LRFN2: variants seen among roughly 807,000 people sequenced by gnomAD.
The protein encoded by LRFN2 is leucine rich repeat and fibronectin type III domain containing 2, also known as leucine-rich repeat and fibronectin type-III domain-containing protein 2.
LRFN2 carries 18 observed loss-of-function variants against 37.3 expected under a neutral mutation model. The ratio of observed to expected loss-of-function variants is 0.48; its 90% CI spans 0.33 to 0.72. The LOEUF (loss-of-function observed/expected upper bound fraction) is 0.72, where lower values mean the gene tolerates loss of function less well. Among genes scored for constraint, LRFN2 ranks in the 30% least tolerant of loss-of-function variants. The pLI is 0.02. For missense variants in LRFN2, 1,006 were observed against 1,060.7 expected, an observed-to-expected ratio of 0.95 and a Z score of 0.72; for synonymous variants, 556 against 466.6, an observed-to-expected ratio of 1.19 and a Z score of -2.47.
chr6:40,394,927 G>A (rs1762582179), intron 2 of LRFN2, among the ~76,000 whole-genome samples: 1 of 150,330 alleles, frequency 6.7e-6, no homozygotes, highest in Non-Finnish European at 1.5e-5. Flanking sequence ...ATGTGGAACT[G>A]TGAGTCCATT....
chr6:40,555,269 G>A (rs1228406289), intron 1 of LRFN2, among the ~76,000 whole-genome samples: 1 of 152,218 alleles, frequency 6.6e-6, no homozygotes, highest in Non-Finnish European at 1.5e-5. Context: ...CATCCCTGGT[G>A]AGAGGTGAAG....
intron 1 of LRFN2, among the ~76,000 whole-genome samples, chr6:40,585,359 T>A (rs1767481776): frequency 6.6e-6 from 1 of 152,036 alleles, no homozygotes; most frequent in Non-Finnish European, 1.5e-5. Flanking sequence ...AAGGGAAAGA[T>A]GACATTCCAG....
intron 1 of LRFN2, among the ~76,000 whole-genome samples, chr6:40,455,717 A>G (rs1342823025): frequency 6.6e-5 from 10 of 152,176 alleles, no homozygotes; most frequent in Non-Finnish European, 1.0e-4. Context: ...AGCACAAGAT[A>G]TCAGAAGGGG....
At chr6:40,568,734 T>TCCTTCCTTCCTTCC (rs1410659844) in intron 1 of LRFN2, among the ~76,000 whole-genome samples, 6 of 148,156 alleles carry the variant, frequency 4.0e-5, no homozygotes, top group African/African-American at 1.2e-4. Flanking sequence ...CTTCCTTCCT[T>TCCTTCCTTCCTTCC]TTTTGAGACG....
intron 1 of LRFN2, among the ~76,000 whole-genome samples, chr6:40,491,442 T>A (rs1765094898): frequency 6.6e-6 from 1 of 152,218 alleles, no homozygotes; most frequent in African/African-American, 2.4e-5. Flanking sequence ...GCATCCCGGC[T>A]CTGGCCCCAC....
chr6:40,446,224 G>A (rs2113838155), intron 1 of LRFN2, among the ~76,000 whole-genome samples: 1 of 152,336 alleles, frequency 6.6e-6, no homozygotes, highest in African/African-American at 2.4e-5. Flanking sequence ...TGAATCCAAG[G>A]CTGGGGTGTA....
intron 1 of LRFN2, among the ~76,000 whole-genome samples, chr6:40,476,216 G>T (rs551265512): frequency 6.6e-6 from 1 of 152,268 alleles, no homozygotes; most frequent in African/African-American, 2.4e-5. Context: ...AAGTATGAAG[G>T]CCTTTTCCCC....
chr6:40,489,839 C>T (rs1765045443), intron 1 of LRFN2, among the ~76,000 whole-genome samples: 1 of 152,184 alleles, frequency 6.6e-6, no homozygotes. Flanking sequence ...TCCATCTACT[C>T]ATTCCCTCCT....
At chr6:40,511,319 T>C (rs774025540) in intron 1 of LRFN2, among the ~76,000 whole-genome samples, 13 of 152,176 alleles carry the variant, frequency 8.5e-5, no homozygotes, top group Non-Finnish European at 1.0e-4. Flanking sequence ...GATTAGAAGA[T>C]GGATGGTAAT....
At chr6:40,453,667 G>A (rs1379548915) in intron 1 of LRFN2, among the ~76,000 whole-genome samples, 1 of 152,044 alleles carries the variant, frequency 6.6e-6, no homozygotes, top group Non-Finnish European at 1.5e-5. Context: ...AAAGACATTA[G>A]CCTAGAGGGA....
intron 1 of LRFN2, among the ~76,000 whole-genome samples, chr6:40,463,902 TC>T (rs1233704305): frequency 6.6e-6 from 1 of 152,174 alleles, no homozygotes; most frequent in Non-Finnish European, 1.5e-5. Context: ...GGTCTTGAAC[TC>T]CTGGGCTCAT....
intron 1 of LRFN2, among the ~76,000 whole-genome samples, chr6:40,548,956 A>G (rs1472813430): frequency 6.6e-6 from 1 of 152,210 alleles, no homozygotes. Flanking sequence ...TCATTTTTAA[A>G]AGTTAGATCA....
chr6:40,459,428 C>T (rs973212668), intron 1 of LRFN2, among the ~76,000 whole-genome samples: 1 of 152,194 alleles, frequency 6.6e-6, no homozygotes, highest in African/African-American at 2.4e-5. Flanking sequence ...TGACACATAA[C>T]TCCTTAGTAA....
chr6:40,441,996 C>A (rs539551222), intron 1 of LRFN2, among the ~76,000 whole-genome samples: 2 of 152,284 alleles, frequency 1.3e-5, no homozygotes, highest in Admixed American at 1.3e-4. Context: ...GGGCCTTTCT[C>A]CCTCACCCAA....
intron 1 of LRFN2, among the ~76,000 whole-genome samples, chr6:40,435,052 T>TATATATATAGAG (rs1482968698): frequency 6.1e-4 from 23 of 37,528 alleles, no homozygotes; most frequent in South Asian, 1.3e-3. Context: ...TATATATATA[T>TATATATATAGAG]AGAGAGAGAG....
intron 1 of LRFN2, among the ~76,000 whole-genome samples, chr6:40,483,396 G>C (rs989435749): frequency 6.6e-6 from 1 of 152,148 alleles, no homozygotes; most frequent in East Asian, 1.9e-4. Flanking sequence ...TTCCACCTTG[G>C]GGTTCACCCG....
At chr6:40,547,027 T>C (rs542240448) in intron 1 of LRFN2, among the ~76,000 whole-genome samples, 15 of 152,246 alleles carry the variant, frequency 9.9e-5, no homozygotes, top group Admixed American at 3.3e-4. Flanking sequence ...AAAGTGGGGA[T>C]TCAAGAAACT....
intron 1 of LRFN2, among the ~76,000 whole-genome samples, chr6:40,458,132 A>T (rs1034784958): frequency 2.0e-5 from 3 of 152,174 alleles, no homozygotes; most frequent in African/African-American, 7.2e-5. Flanking sequence ...TAATTAATAG[A>T]TCTCTTAACT....
chr6:40,533,677 T>G (rs955958996), intron 1 of LRFN2, among the ~76,000 whole-genome samples: 2 of 152,164 alleles, frequency 1.3e-5, no homozygotes, highest in Non-Finnish European at 2.9e-5. Context: ...AAGTAGCCCT[T>G]AGATGTGGGA....
Sources: allele counts gnomAD v4.1 joint callset (sites outside exome capture counted in the v4.1 genomes callset), GRCh38; gene constraint gnomAD v4.1.1; transcripts MANE v1.5; gene names NCBI Gene and HGNC (gene_info 2026-07-23, HGNC 2026-07-21).